FRYL: variants seen among roughly 807,000 people sequenced by gnomAD.
FRYL encodes the protein protein furry homolog-like.
FRYL carries 150 observed loss-of-function variants against 351.2 expected under a neutral mutation model. The ratio of observed to expected loss-of-function variants is 0.43; its 90% CI spans 0.37 to 0.49. The LOEUF (loss-of-function observed/expected upper bound fraction) is 0.49, where lower values mean the gene tolerates loss of function less well. Ranked by LOEUF, FRYL falls within the 20% of genes least tolerant of loss-of-function variation. The pLI is 0.00. For synonymous variants in FRYL, 1,153 were observed against 1,257.1 expected (o/e 0.92, Z 1.75); for missense variants, 3,036 against 3,619.3 (o/e 0.84, Z 4.13).
chr4:48,617,498 AC>A (rs1749751903), intron 7 of FRYL: 1 of 152,054 alleles, frequency 6.6e-6, no homozygotes, highest in Non-Finnish European at 1.5e-5. Flanking sequence ...ACAGGCACAT[AC>A]CACCACACCC....
At chr4:48,669,975 A>G (rs1254416496) in intron 3 of FRYL, among the ~76,000 whole-genome samples, 1 of 152,010 alleles carries the variant, frequency 6.6e-6, no homozygotes, top group East Asian at 1.9e-4. Context: ...TTATGAATAG[A>G]TAGTAGGTGT....
At chr4:48,632,094 A>ATATATATATATATATG (rs1159120056) in intron 4 of FRYL, among the ~76,000 whole-genome samples, 7 of 13,844 alleles carry the variant, frequency 5.1e-4, no homozygotes, top group Non-Finnish European at 7.3e-4. Context: ...AAAAAAAAAT[A>ATATATATATATATATG]TATATATATA....
In FRYL at chr4:48,664,705, G is replaced by A. The variant is rs1193657870; in HGVS notation, c.-81+19968C>T. On this transcript the variant is annotated intron_variant, in intron 3 of 63. Transcript: ENST00000358350. Reference sequence around the variant, plus strand: ...TCACGGCATCTTGTTTATTTATGAAGGGGAAAAGTGAATTATTTTCAAGTG... The same window carrying A: ...TCACGGCATCTTGTTTATTTATGAAAGGGAAAAGTGAATTATTTTCAAGTG... Among the ~76,000 whole-genome samples, 7 of 152,158 alleles carry A rather than the reference G, an allele frequency of 4.6e-5. No homozygotes were observed. In the South Asian group the frequency reaches 1.2e-3, roughly 27 times the overall value.
chr4:48,677,781 T>G (rs183144424), intron 3 of FRYL, among the ~76,000 whole-genome samples: 1 of 152,358 alleles, frequency 6.6e-6, no homozygotes, highest in East Asian at 1.9e-4. Flanking sequence ...AGTATAAAGC[T>G]TTGAGATTAC....
At chr4:48,520,903 G>A in intron 55 of FRYL, 145 bp downstream of exon 55, 2 of 534,032 alleles carry the variant, frequency 3.7e-6, no homozygotes, top group Non-Finnish European at 6.3e-6. Flanking sequence ...AATCAGATTT[G>A]ACTATTTCAT....
rs1742871869 is a variant in FRYL at position 48,589,796 on chromosome 4, A to G, written c.1589T>C (p.Met530Thr). The part of the protein sequence containing the change: ...RHLDKEVGRP[M>T]CMTSVQMSNK... ...AGACATCTGCACACTGGTCATACACATTGGTCTCCCAACTTCTTTGTCCAA... is the reference window on the plus strand; with the variant it reads ...AGACATCTGCACACTGGTCATACACGTTGGTCTCCCAACTTCTTTGTCCAA... The change falls in exon 18 of 64, where the codon ATG (methionine) becomes ACG (threonine). Residue 530 changes from methionine (M) to threonine (T), a missense_variant. Met to Thr is a moderately conservative substitution (Grantham distance 81). This residue lies in a region of FRYL where 78 missense variants were observed against 106.6 expected (regional missense o/e 0.73). Transcript: ENST00000358350. 6.2e-7 allele frequency: 1 copy of G among 1,613,854 alleles called. No individual in the cohort carries two copies. The highest frequency in any genetic ancestry group is 8.5e-7 in the Non-Finnish European group (1 of 1,179,760).
intron 33 of FRYL, among the ~76,000 whole-genome samples, chr4:48,559,528 CAAAAAAAAAAAAAA>C (rs67320603): frequency 2.9e-4 from 3 of 10,380 alleles, no homozygotes; most frequent in Admixed American, 2.4e-3. Flanking sequence ...CCTCTCTCTC[CAAAAAAAAAAAAAA>C]AAAAAAAAAG....
At position 48,567,251 on chromosome 4, in the gene FRYL, G is replaced by A. The variant is rs761744250; in HGVS notation, c.3166C>T (p.Pro1056Ser). 7 of 1,604,840 alleles carry A rather than the reference G, an allele frequency of 4.4e-6. No homozygotes were observed. In the African/African-American group the frequency reaches 5.4e-5, roughly 12 times the overall value. The change falls in exon 28 of 64, where the codon CCA becomes TCA. Residue 1056 changes from proline (P) to serine (S), a missense_variant. Coordinates refer to ENST00000358350, the MANE Select transcript of FRYL (RefSeq NM_015030.2). The surrounding 1 kb of genome is among the most constrained non-coding windows in gnomAD (Gnocchi z 4.2). ...ALVANIIQNV[P>S]VHQRRSIFPQ... is the part of the protein sequence containing the mutation. ...TTTAAGAAACTGAAAATAATACCTG[G>A]AACATTCTGAATAATATTCGCCACT...
chr4:48,545,320 T>C (rs1417251553), intron 42 of FRYL, among the ~76,000 whole-genome samples: 2 of 152,222 alleles, frequency 1.3e-5, no homozygotes, highest in Admixed American at 1.3e-4. Flanking sequence ...CTCTTGATTC[T>C]TTCTTCAAAA....
Position 48,581,520 on chromosome 4 carries a change from G to C in FRYL, c.2072C>G (p.Ala691Gly). 2 of 1,613,902 alleles carry C rather than the reference G, an allele frequency of 1.2e-6. No individual in the cohort carries two copies. Among genetic ancestry groups the C allele is most frequent in the South Asian group, 2.2e-5 (2 of 91,056 alleles). Residue 691 changes from alanine to glycine, a missense_variant, in exon 21 of 64, where the codon GCG becomes GGG. Physicochemically the swap from Ala to Gly is moderately conservative, Grantham distance 60. Transcript: ENST00000358350. ...SNVFHVVEGF[A>G]LVILCSSRPA... Reference sequence around the variant, plus strand: ...TCGACTGCTACAGAGAATGACAAGCGCAAAGCCTTCAACCACATGGAATAC... The same window carrying C: ...TCGACTGCTACAGAGAATGACAAGCCCAAAGCCTTCAACCACATGGAATAC...
At chr4:48,671,742 A>G (rs1560831776) in intron 3 of FRYL, among the ~76,000 whole-genome samples, 2 of 151,662 alleles carry the variant, frequency 1.3e-5, no homozygotes, top group Non-Finnish European at 2.9e-5. Context: ...AATCCCAGCT[A>G]CCCAGGAGGG....
chr4:48,630,856 A>AG (rs1752836604), intron 4 of FRYL, among the ~76,000 whole-genome samples: 1 of 152,160 alleles, frequency 6.6e-6, no homozygotes, highest in South Asian at 2.1e-4. Context: ...ACTGACCATG[A>AG]GCAAGGCCAG....
chr4:48,617,568 G>A (rs1268870974), intron 7 of FRYL: 1 of 151,886 alleles, frequency 6.6e-6, no homozygotes, highest in East Asian at 1.9e-4. Context: ...ACTAAAAAAA[G>A]TGTTATGTTT....
At chr4:48,728,159 G>A (rs377681960) in intron 1 of FRYL, among the ~76,000 whole-genome samples, 8 of 152,040 alleles carry the variant, frequency 5.3e-5, no homozygotes, top group South Asian at 2.1e-4. Flanking sequence ...AGCAAGCATC[G>A]GAACAAGACT....
chr4:48,702,254 G>A (rs1159025691), intron 2 of FRYL, among the ~76,000 whole-genome samples: 35 of 151,202 alleles, frequency 2.3e-4, no homozygotes, highest in African/African-American at 7.1e-4. Flanking sequence ...TCAGGAGTTC[G>A]AGACCAGCCT....
intron 3 of FRYL, among the ~76,000 whole-genome samples, chr4:48,648,479 A>G (rs2149420615): frequency 6.6e-6 from 1 of 152,262 alleles, no homozygotes; most frequent in Admixed American, 6.5e-5. Flanking sequence ...CTTCCTTCAG[A>G]TCTTCCTAAA....
At chr4:48,629,727 G>A (rs1451856190) in intron 4 of FRYL, among the ~76,000 whole-genome samples, 1 of 152,100 alleles carries the variant, frequency 6.6e-6, no homozygotes, top group African/African-American at 2.4e-5. Context: ...GAGTGAGCTT[G>A]ACCCACAGAG....
intron 7 of FRYL, among the ~76,000 whole-genome samples, chr4:48,615,375 T>A (rs1020123017): frequency 6.6e-6 from 1 of 152,218 alleles, no homozygotes; most frequent in African/African-American, 2.4e-5. Context: ...TATCACCACC[T>A]TCTGATACTT....
intron 13 of FRYL, among the ~76,000 whole-genome samples, chr4:48,600,847 C>CTTTA (rs1427709041): frequency 6.6e-6 from 1 of 152,010 alleles, no homozygotes; most frequent in African/African-American, 2.4e-5. Flanking sequence ...GGTTGCATGA[C>CTTTA]ATAAAGAGTT....
Sources: gnomAD v4.1 joint callset for allele counts (sites outside exome capture counted in the v4.1 genomes callset) on GRCh38, gnomAD v4.1.1 for gene constraint, gnomAD v4.1.1 regional missense constraint, Gnocchi (gnomAD v3.1) non-coding constraint, MANE v1.5 for transcripts, NCBI Gene and HGNC (gene_info 2026-07-23, HGNC 2026-07-21) for gene names.